The following TCF7L2 variants were observed in gnomAD, a reference collection of about 807,000 sequenced individuals.
The protein encoded by TCF7L2 is transcription factor 7 like 2.
Under a neutral mutation model 77.9 loss-of-function variants are expected in TCF7L2, and 23 were observed. The ratio of observed to expected loss-of-function variants is 0.30; its 90% CI spans 0.21 to 0.42. TCF7L2 has a LOEUF of 0.42. TCF7L2 is among the 10% of genes least tolerant of loss of function. The pLI, the probability that TCF7L2 is intolerant of heterozygous loss-of-function variation, is 1.00. For synonymous variants in TCF7L2, 413 were observed against 340.2 expected (o/e 1.21, Z -2.36); for missense variants, 654 against 793.1 (o/e 0.82, Z 2.11).
chr10:113,130,803 T>C (rs1222210385), intron 5 of TCF7L2, among the ~76,000 whole-genome samples: 1 of 152,028 alleles, frequency 6.6e-6, no homozygotes, highest in African/African-American at 2.4e-5. Flanking sequence ...TTCGCTCTTA[T>C]TACCCAGGCT....
rs373041569 is a variant in TCF7L2, at chr10:113,124,122, T to G, written c.553-17062T>G. On this transcript the variant is annotated intron_variant, in intron 5 of 13. Transcript: ENST00000627217. ...GCAGGAGGGGATTTGGAAAGGCTCT[T>G]TTTTTGGGCAAAAGGGGAGGGTGTA... 2.4e-4 allele frequency among the ~76,000 whole-genome samples: 36 copies of G among 152,284 alleles called. No individual in the cohort carries two copies. In the South Asian group the frequency reaches 7.5e-3, roughly 32 times the overall value.
chr10:113,106,239 G>T (rs2062304270), intron 5 of TCF7L2, among the ~76,000 whole-genome samples: 1 of 152,184 alleles, frequency 6.6e-6, no homozygotes, highest in Non-Finnish European at 1.5e-5. Context: ...TGTGAGAGCA[G>T]ACTGATAACT....
intron 5 of TCF7L2, among the ~76,000 whole-genome samples, chr10:113,084,472 G>A (rs1368041594): frequency 6.6e-6 from 1 of 152,226 alleles, no homozygotes; most frequent in African/African-American, 2.4e-5. Flanking sequence ...ATGGGCTGAG[G>A]CCTGCTCACA....
intron 4 of TCF7L2, among the ~76,000 whole-genome samples, chr10:112,974,111 GCCAATA>G: frequency 6.6e-6 from 1 of 152,150 alleles, no homozygotes; most frequent in East Asian, 1.9e-4. Flanking sequence ...TCTTGTCTAA[GCCAATA>G]GCAATTGGAT....
intron 12 of TCF7L2, among the ~76,000 whole-genome samples, chr10:113,159,526 GA>G (rs562679836): frequency 6.6e-5 from 10 of 150,878 alleles, no homozygotes; most frequent in African/African-American, 1.9e-4. Context: ...TCTTCTTTAA[GA>G]AAAAAAATTG....
At chr10:113,097,741 C>T (rs1277555046) in intron 5 of TCF7L2, among the ~76,000 whole-genome samples, 1 of 146,400 alleles carries the variant, frequency 6.8e-6, no homozygotes, top group Non-Finnish European at 1.5e-5. Context: ...CTTATGGCAT[C>T]TTTTACTGGC....
intron 5 of TCF7L2, among the ~76,000 whole-genome samples, chr10:113,094,135 C>T (rs2135725234): frequency 6.6e-6 from 1 of 152,298 alleles, no homozygotes; most frequent in African/African-American, 2.4e-5. Flanking sequence ...ATTATTGCTG[C>T]TACTTGCTTA....
At chr10:112,990,398 C>T (rs11196182) in intron 4 of TCF7L2, among the ~76,000 whole-genome samples, 26,907 of 152,050 alleles carry the variant, frequency 0.18, 2,753 homozygotes, top group African/African-American at 0.28. Flanking sequence ...TCTCAGGAAC[C>T]TAAAGGTTGC....
intron 5 of TCF7L2, among the ~76,000 whole-genome samples, chr10:113,116,041 A>G (rs547754315): frequency 6.6e-6 from 1 of 152,318 alleles, no homozygotes; most frequent in East Asian, 1.9e-4. Context: ...GAATGAGCCT[A>G]TTTGACTATG....
chr10:113,159,437 T>C (rs1029543010), intron 12 of TCF7L2, among the ~76,000 whole-genome samples: 2 of 152,140 alleles, frequency 1.3e-5, no homozygotes, highest in African/African-American at 4.8e-5. Flanking sequence ...TTATTTGTAA[T>C]TTTTTTCTTT....
Position 113,152,344 on chromosome 10 carries a change from G to T in TCF7L2, c.1173G>T (p.Leu391=), listed in dbSNP as rs1394211599. ...CACGTCCCCTCCAGTGGCATGCACT[G>T]TCCAGAGAAGAGCAAGCGAAATACT... Residue 391 remains leucine (L), a synonymous_variant, in exon 11 of 14, where the codon CTG becomes CTT. Coordinates refer to ENST00000627217, the MANE Select transcript of TCF7L2 (RefSeq NM_001146274.2). 6.2e-7 allele frequency: 1 copy of T among 1,614,054 alleles called. No individual in the cohort carries two copies. The highest frequency in any genetic ancestry group is 8.5e-7 in the Non-Finnish European group (1 of 1,179,898).
chr10:113,032,486 G>A (rs951637926), intron 4 of TCF7L2, among the ~76,000 whole-genome samples: 4 of 152,208 alleles, frequency 2.6e-5, no homozygotes, highest in Admixed American at 2.6e-4. Context: ...CATAGACTTG[G>A]GAGGGAGAGA....
At chr10:112,956,487 A>T (rs1297025009) in intron 3 of TCF7L2, among the ~76,000 whole-genome samples, 1 of 151,688 alleles carries the variant, frequency 6.6e-6, no homozygotes, top group Non-Finnish European at 1.5e-5. Context: ...TTGAGGTGAC[A>T]CATTTTAAAG....
intron 5 of TCF7L2, among the ~76,000 whole-genome samples, chr10:113,123,563 G>A (rs11594681): frequency 0.41 from 62,309 of 152,098 alleles, 14,619 homozygotes; most frequent in African/African-American, 0.63. Flanking sequence ...GTTATGGGAT[G>A]ATGTGGGGGA....
intron 4 of TCF7L2, among the ~76,000 whole-genome samples, chr10:113,013,114 GTTT>G (rs35964949): frequency 0.021 from 2,317 of 109,856 alleles, 36 homozygotes; most frequent in African/African-American, 0.057. Flanking sequence ...TAAGCAAGTG[GTTT>G]TTTTTTTTTT....
At chr10:113,164,596 T>TAA (rs34634002) in intron 13 of TCF7L2, among the ~76,000 whole-genome samples, 5,427 of 141,308 alleles carry the variant, frequency 0.038, 159 homozygotes, top group Non-Finnish European at 0.063. Context: ...CCCCAAATCT[T>TAA]AAAAAAAAAA....
intron 5 of TCF7L2, among the ~76,000 whole-genome samples, chr10:113,044,257 C>T (rs1481404318): frequency 6.6e-6 from 1 of 152,184 alleles, no homozygotes; most frequent in East Asian, 1.9e-4. Flanking sequence ...CGAAATAATG[C>T]ACGATGGGTA....
At chr10:113,015,016 T>C (rs1231404103) in intron 4 of TCF7L2, among the ~76,000 whole-genome samples, 1 of 151,972 alleles carries the variant, frequency 6.6e-6, no homozygotes, top group Non-Finnish European at 1.5e-5. Context: ...TGAAACCCCA[T>C]CTCTACTAAA....
chr10:113,037,850 G>T (rs114713592), intron 4 of TCF7L2, among the ~76,000 whole-genome samples: 1 of 152,162 alleles, frequency 6.6e-6, no homozygotes, highest in Non-Finnish European at 1.5e-5. Flanking sequence ...TTTTGTTCAC[G>T]GGTTTTTATG....
Sources: allele counts gnomAD v4.1 joint callset (sites outside exome capture counted in the v4.1 genomes callset), GRCh38; gene constraint gnomAD v4.1.1; transcripts MANE v1.5; gene names NCBI Gene and HGNC (gene_info 2026-07-23, HGNC 2026-07-21).